Variants in SLC13A3 observed in about 807,000 individuals in gnomAD.
SLC13A3 encodes the protein Na(+)/dicarboxylate cotransporter 3.
A neutral mutation model predicts 59.0 loss-of-function variants in SLC13A3; 40 were observed. The ratio of observed to expected loss-of-function variants is 0.68; its 90% CI spans 0.53 to 0.88. The LOEUF is 0.88. SLC13A3 is among the 40% of genes least tolerant of loss of function. The probability of loss-of-function intolerance (pLI) is 0.00; values close to 1 mark genes in which losing one functional copy is unlikely to be tolerated. For missense variants in SLC13A3, 699 were observed against 783.2 expected (o/e 0.89, Z 1.28); for synonymous variants, 317 against 330.3 (o/e 0.96, Z 0.44).
At chr20:46,603,060 C>A (rs1198506019) in intron 3 of SLC13A3, among the ~76,000 whole-genome samples, 1 of 151,972 alleles carries the variant, frequency 6.6e-6, no homozygotes, top group Middle Eastern at 3.2e-3. Flanking sequence ...TGCCTGTAAT[C>A]CCAGCTACTC....
chr20:46,598,541 C>T (rs558121406), intron 4 of SLC13A3, among the ~76,000 whole-genome samples: 1 of 152,292 alleles, frequency 6.6e-6, no homozygotes, highest in South Asian at 2.1e-4. Context: ...GCAAGCACTG[C>T]ACAGGCAGAT....
intron 1 of SLC13A3, among the ~76,000 whole-genome samples, chr20:46,625,286 C>A (rs1295607283): frequency 1.3e-5 from 2 of 152,174 alleles, no homozygotes; most frequent in African/African-American, 2.4e-5. Flanking sequence ...CTGATGATCA[C>A]CTGGAACTGA....
Position 46,600,006 on chromosome 20 carries a change from C to A in SLC13A3, c.573G>T (p.Val191=), listed in dbSNP as rs1397479050. 6.3e-7 allele frequency: 1 copy of A among 1,590,778 alleles called. No homozygotes were observed. Among genetic ancestry groups the A allele is most frequent in the African/African-American group, 1.3e-5 (1 of 74,604 alleles). The change falls in exon 4 of 13, where the codon GTG becomes GTT. Residue 191 remains valine (V), a synonymous_variant. Transcript: ENST00000279027. Reference sequence around the variant, plus strand: ...TGGCGAGAAACTGCATCTCCGTGGGCACAGTGTGTAGGCCGTTTCTCCGCA... The same window carrying A: ...TGGCGAGAAACTGCATCTCCGTGGGAACAGTGTGTAGGCCGTTTCTCCGCA... ...AAVRRNGLHT[V]PTEMQFLAST...
chr20:46,588,222 G>T (rs1183887994), intron 7 of SLC13A3, 59 bp from the exon 8 acceptor site: 2 of 1,070,726 alleles, frequency 1.9e-6, no homozygotes, highest in South Asian at 1.5e-5. Flanking sequence ...ACCGCAGCAG[G>T]CACAGGCTCA....
At position 46,604,489 on chromosome 20, in the gene SLC13A3, G is replaced by A. The variant is rs541358564; in HGVS notation, c.542-4452C>T. Among the ~76,000 whole-genome samples, 3 of 152,220 alleles carry A rather than the reference G, an allele frequency of 2.0e-5. No homozygotes were observed. The East Asian group carries it at 5.8e-4, about 29-fold the overall frequency. On this transcript the variant is annotated intron_variant, in intron 3 of 12. Transcript: ENST00000279027. ...TTGATTTTTTTTCTTTTTTACATGG[G>A]ATTTTCCTTCACATGGAAGTCAGGC...
chr20:46,576,419 C>T (rs1242839066), intron 9 of SLC13A3, among the ~76,000 whole-genome samples: 2 of 152,160 alleles, frequency 1.3e-5, no homozygotes, highest in Non-Finnish European at 2.9e-5. Flanking sequence ...TCTTGGCTTA[C>T]TGCATGCCCT....
chr20:46,566,331 G>A lies in SLC13A3; in HGVS notation c.1392C>T (p.Pro464=), dbSNP rs149123701. The stretch of plus-strand genomic sequence containing the variant: ...CAGTGATGAGCAGCACAGCCAGGGC[G>A]GGGGGCACATTCTCCAGGGGGTGCA... ...GQLHPLENVP[P]ALAVLLITVV... Residue 464 remains proline (P), a synonymous_variant, in exon 11 of 13, where the codon CCC becomes CCT. Transcript: ENST00000279027. 1.0e-4 allele frequency: 166 copies of A among 1,612,662 alleles called. 1 individual carries two copies. In the African/African-American group the frequency reaches 1.8e-3, roughly 17 times the overall value.
intron 10 of SLC13A3, among the ~76,000 whole-genome samples, chr20:46,573,472 C>G (rs1273246525): frequency 6.6e-6 from 1 of 152,238 alleles, no homozygotes; most frequent in East Asian, 1.9e-4. Flanking sequence ...TGCTTCCTTC[C>G]TCTCCCTTCC....
At chr20:46,590,102 T>C (rs1026627890) in intron 6 of SLC13A3, among the ~76,000 whole-genome samples, 2 of 152,188 alleles carry the variant, frequency 1.3e-5, no homozygotes, top group Non-Finnish European at 2.9e-5. Context: ...TGTGTGTCCA[T>C]AAATGGTGTT....
intron 10 of SLC13A3, among the ~76,000 whole-genome samples, chr20:46,566,835 T>G (rs1339597087): frequency 6.7e-6 from 1 of 150,168 alleles, no homozygotes; most frequent in African/African-American, 2.4e-5. Flanking sequence ...TTAATATGTA[T>G]GAAATATATA....
chr20:46,592,261 C>CTACA (rs373073896), intron 6 of SLC13A3, 143 bp downstream of exon 6: 8 of 969,808 alleles, frequency 8.2e-6, no homozygotes, highest in African/African-American at 3.3e-5. Flanking sequence ...ATATACATAC[C>CTACA]TACATACATA....
intron 2 of SLC13A3, among the ~76,000 whole-genome samples, chr20:46,612,494 G>A (rs867864504): frequency 2.0e-5 from 3 of 151,952 alleles, no homozygotes; most frequent in South Asian, 2.1e-4. Flanking sequence ...AAATATCATC[G>A]ACACTCAAAA....
intron 10 of SLC13A3, among the ~76,000 whole-genome samples, chr20:46,574,146 GT>G (rs1290093668): frequency 1.3e-5 from 2 of 152,136 alleles, no homozygotes; most frequent in Admixed American, 1.3e-4. Context: ...ATTCAGTGGT[GT>G]TTATAAAGAT....
In SLC13A3 at chr20:46,560,029, G is replaced by A. The variant is rs2061917182; in HGVS notation, c.1802C>T (p.Thr601Ile). 5.0e-6 allele frequency: 8 copies of A among 1,613,988 alleles called. No individual in the cohort carries two copies. The East Asian group carries it at 1.8e-4, about 36-fold the overall frequency. ...GGAGTCCTCCAGGGGGACTCAGAGG[G>A]TCCGAAATGTGTCATTGGCCAAGGT... ...PPTLANDTFRTL is the reference protein window; with the variant it reads ...PPTLANDTFRIL The change falls in exon 13 of 13, where the codon ACC becomes ATC. Residue 601 changes from threonine to isoleucine, a missense_variant. By Grantham distance (89) the Thr-to-Ile change is moderately conservative. Coordinates refer to ENST00000279027, the MANE Select transcript of SLC13A3 (RefSeq NM_022829.6).
intron 1 of SLC13A3, among the ~76,000 whole-genome samples, chr20:46,635,852 C>T (rs910553255): frequency 1.1e-4 from 16 of 152,152 alleles, no homozygotes; most frequent in Non-Finnish European, 1.8e-4. Flanking sequence ...GGAAAGCGAC[C>T]TCTAGTTGTC....
chr20:46,603,023 A>G (rs2062395808), intron 3 of SLC13A3, among the ~76,000 whole-genome samples: 1 of 151,996 alleles, frequency 6.6e-6, no homozygotes, highest in African/African-American at 2.4e-5. Context: ...CACTAAAAAT[A>G]CAAAATTAGC....
rs180674220 is a variant in SLC13A3, at chr20:46,650,748, C to G, written c.111+563G>C. On this transcript the variant is annotated intron_variant, in intron 1 of 12. Transcript: ENST00000279027. ...TCGCGTGAAATGTGCAATACAGCAC[C>G]AAGCACAGAATTAGAGCTCAGGAAA... 2.6e-3 allele frequency among the ~76,000 whole-genome samples: 397 copies of G among 152,200 alleles called. 1 individual carries two copies. Among genetic ancestry groups the G allele is most frequent in the African/African-American group, 7.6e-3 (314 of 41,536 alleles).
intron 1 of SLC13A3, among the ~76,000 whole-genome samples, chr20:46,614,290 G>A (rs2062533696): frequency 6.6e-6 from 1 of 152,204 alleles, no homozygotes; most frequent in Admixed American, 6.5e-5. Flanking sequence ...GGCATATCAT[G>A]CCTTAGAGTT....
At chr20:46,567,949 G>C (rs971311194) in intron 10 of SLC13A3, among the ~76,000 whole-genome samples, 11 of 152,134 alleles carry the variant, frequency 7.2e-5, no homozygotes, top group African/African-American at 2.4e-4. Context: ...GCAGAGCTGG[G>C]TTAGTCCATT....
Sources: gnomAD v4.1 joint callset for allele counts (sites outside exome capture counted in the v4.1 genomes callset) on GRCh38, gnomAD v4.1.1 for gene constraint, MANE v1.5 for transcripts, NCBI Gene and HGNC (gene_info 2026-07-23, HGNC 2026-07-21) for gene names.